Variants in ECHDC2 observed in about 807,000 individuals in gnomAD.
The protein encoded by ECHDC2 is enoyl-CoA hydratase domain containing 2.
A neutral mutation model predicts 40.6 loss-of-function variants in ECHDC2; 34 were observed. The observed-to-expected ratio is 0.84, with a 90% CI of 0.64 to 1.11. The LOEUF is 1.11. Among genes scored for constraint, ECHDC2 ranks in the 50% most tolerant of loss-of-function variants. The pLI, the probability that ECHDC2 is intolerant of heterozygous loss-of-function variation, is 0.00. For synonymous variants in ECHDC2, 162 were observed against 166.6 expected (o/e 0.97, Z 0.21); for missense variants, 392 against 400.7 (o/e 0.98, Z 0.19).
intron 1 of ECHDC2, among the ~76,000 whole-genome samples, chr1:52,918,629 T>G (rs146563731): frequency 6.6e-6 from 1 of 152,070 alleles, no homozygotes; most frequent in Admixed American, 6.6e-5. Flanking sequence ...GAAGAAAACA[T>G]TTTTTGTACA....
intron 1 of ECHDC2, chr1:52,912,174 T>C (rs1399716651): frequency 4.4e-6 from 2 of 453,370 alleles, no homozygotes; most frequent in South Asian, 7.5e-5. Context: ...TATTCATCTT[T>C]TTTTTTTTTA....
At chr1:52,910,588 C>T (rs866997443) in intron 3 of ECHDC2, among the ~76,000 whole-genome samples, 2 of 151,652 alleles carry the variant, frequency 1.3e-5, no homozygotes, top group Non-Finnish European at 2.9e-5. Context: ...AGGATGGTCT[C>T]GAACTCCTGA....
chr1:52,907,800 G>C, intron 4 of ECHDC2, 68 bp downstream of exon 4: 1 of 1,320,606 alleles, frequency 7.6e-7, no homozygotes, highest in Admixed American at 1.8e-5. Flanking sequence ...GATGCTGGTG[G>C]GGGTAGCGGG....
Position 52,906,527 on chromosome 1 carries a change from C to T in ECHDC2, c.449G>A (p.Arg150Gln), listed in dbSNP as rs76267730. The T allele has an allele frequency of 2.2e-4, 349 of 1,611,222 alleles. No homozygotes were observed. Among genetic ancestry groups the T allele is most frequent in the Non-Finnish European group, 2.5e-4 (294 of 1,179,288 alleles). Residue 150 changes from arginine to glutamine, a missense_variant, in exon 5 of 10, where the codon CGA becomes CAA. Coordinates refer to ENST00000371522, the MANE Select transcript of ECHDC2 (RefSeq NM_001198961.2). The stretch of plus-strand genomic sequence containing the variant: ...CAGTCCTGGCCCAGTACCTGCCACT[C>T]GGAGGTCACAGGCCAGGGCAAGCTC... ...GLELALACDLRVAASSAVMGL... is the reference protein window; with the variant it reads ...GLELALACDLQVAASSAVMGL...
chr1:52,917,626 GA>G, intron 1 of ECHDC2: 1 of 456,074 alleles, frequency 2.2e-6, no homozygotes, highest in Non-Finnish European at 4.4e-6. Flanking sequence ...CTAAGGAGTT[GA>G]AGGACAGCCA....
intron 1 of ECHDC2, chr1:52,913,862 G>T: frequency 9.7e-7 from 1 of 1,030,252 alleles, no homozygotes; most frequent in Non-Finnish European, 1.2e-6. Flanking sequence ...ATCTGCCTTG[G>T]CTTTGGCAGG....
chr1:52,919,885 C>G (rs1350929877), intron 1 of ECHDC2, among the ~76,000 whole-genome samples: 3 of 152,222 alleles, frequency 2.0e-5, no homozygotes, highest in Non-Finnish European at 2.9e-5. Flanking sequence ...TCTGCTGATC[C>G]TTGTCATTCT....
intron 7 of ECHDC2, among the ~76,000 whole-genome samples, chr1:52,904,122 T>C (rs1425476373): frequency 6.6e-6 from 1 of 152,176 alleles, no homozygotes; most frequent in African/African-American, 2.4e-5. Context: ...AGCCCACATG[T>C]TGTATTTCAA....
chr1:52,896,844 C>T (rs1646666999), intron 9 of ECHDC2: 1 of 488,274 alleles, frequency 2.0e-6, no homozygotes, highest in Non-Finnish European at 3.7e-6. Flanking sequence ...GCTTTCATGC[C>T]TCCTGAGAAC....
In ECHDC2 at chr1:52,896,543, T is replaced by A; in HGVS notation, c.856A>T (p.Thr286Ser). 1 of 1,613,942 alleles carries A rather than the reference T, an allele frequency of 6.2e-7. No individual in the cohort carries two copies. The highest frequency in any genetic ancestry group is 8.5e-7 in the Non-Finnish European group (1 of 1,179,990). ...GGTCATTTGCCAACAAATTTGGGAG[T>A]CCGCTTCTCCCTGAAGGCTGCCATG... ...EGMAAFREKR[T>S]PKFVGK Residue 286 changes from threonine (T) to serine (S), a missense_variant, in exon 10 of 10, where the codon ACT (threonine) becomes TCT (serine). Coordinates refer to ENST00000371522, the MANE Select transcript of ECHDC2 (RefSeq NM_001198961.2).
Position 52,896,312 on chromosome 1 carries a change from A to G in ECHDC2, c.*208T>C. The G allele has an allele frequency of 1.7e-6, 1 of 571,588 alleles. No individual in the cohort carries two copies. The highest frequency in any genetic ancestry group is 2.1e-5 in the South Asian group (1 of 47,810). 35.4% of individuals were successfully genotyped at this position (571,588 alleles called of 1,614,324 possible). On this transcript the variant is annotated 3_prime_UTR_variant, in exon 10 of 10. Transcript: ENST00000371522. ...CCAACCCTCGTGATTATTTCTAGCC[A>G]GGGTGAAGCTAAGGAAGGTAGCAGT...
At chr1:52,906,788 G>A (rs1197077064) in intron 4 of ECHDC2, among the ~76,000 whole-genome samples, 177 bp from the exon 5 acceptor site, 7 of 145,666 alleles carry the variant, frequency 4.8e-5, no homozygotes, top group African/African-American at 1.3e-4. Flanking sequence ...TTTTTGAGAC[G>A]GAGTCTTGTT....
chr1:52,906,090 T>C (rs1473420953), intron 5 of ECHDC2: 1 of 349,998 alleles, frequency 2.9e-6, no homozygotes, highest in African/African-American at 2.1e-5. Context: ...GAACAAGTAA[T>C]GCAAATTTGG....
In ECHDC2 at chr1:52,907,896, C is replaced by T. The variant is rs1207491968; in HGVS notation, c.336G>A (p.Gln112=). The T allele has an allele frequency of 1.2e-6, 2 of 1,614,034 alleles. No homozygotes were observed. Among genetic ancestry groups the T allele is most frequent in the South Asian group, 2.2e-5 (2 of 91,062 alleles). The change falls in exon 4 of 10, where the codon CAG becomes CAA. Residue 112 remains glutamine (Q), a synonymous_variant. Transcript: ENST00000371522. Reference sequence around the variant, plus strand: ...TGTCATTCATCAGGCCCCGGAGTCGCTGGACAAACACCCCCACCTCTGCTT... The same window carrying T: ...TGTCATTCATCAGGCCCCGGAGTCGTTGGACAAACACCCCCACCTCTGCTT... The part of the protein sequence containing the change: ...MSEAEVGVFV[Q]RLRGLMNDIA...
At chr1:52,913,106 ACT>A (rs1460497275) in intron 1 of ECHDC2, 1 of 151,836 alleles carries the variant, frequency 6.6e-6, no homozygotes, top group Non-Finnish European at 1.5e-5. Flanking sequence ...GCTCCCCACA[ACT>A]CTGTCTTTCC....
intron 7 of ECHDC2, among the ~76,000 whole-genome samples, chr1:52,903,178 C>T (rs1164016959): frequency 6.6e-6 from 1 of 152,090 alleles, no homozygotes; most frequent in Non-Finnish European, 1.5e-5. Context: ...AGGGTTGTAC[C>T]TGGGCAGGGC....
chr1:52,904,412 A>T (rs1438884130), intron 7 of ECHDC2, among the ~76,000 whole-genome samples: 1 of 151,074 alleles, frequency 6.6e-6, no homozygotes, highest in Non-Finnish European at 1.5e-5. Context: ...GGACAGTGTT[A>T]CATTCAGAGG....
chr1:52,915,569 G>C (rs1186710785), intron 1 of ECHDC2, among the ~76,000 whole-genome samples: 1 of 152,168 alleles, frequency 6.6e-6, no homozygotes, highest in Non-Finnish European at 1.5e-5. Flanking sequence ...AGTGCTCCAG[G>C]AGAGAAAATG....
Position 52,905,062 on chromosome 1 carries a change from CTCAA to C in ECHDC2, c.482_485del (p.Ile161ArgfsTer35). On this transcript the variant is annotated frameshift_variant, in exon 6 of 10. Coordinates refer to ENST00000371522, the MANE Select transcript of ECHDC2 (RefSeq NM_001198961.2). LOFTEE classifies it high-confidence loss of function. ...CCCCCGGGAGGAGCCCTCGCGTGGT[CTCAA>C]TCAGTCCCATGACTGCCGAGGAAGC... 6.2e-7 allele frequency: 1 copy of C among 1,614,158 alleles called. No homozygotes were observed. Among genetic ancestry groups the C allele is most frequent in the Non-Finnish European group, 8.5e-7 (1 of 1,180,026 alleles).
Sources: gnomAD v4.1 joint callset for allele counts (sites outside exome capture counted in the v4.1 genomes callset) on GRCh38, gnomAD v4.1.1 for gene constraint, MANE v1.5 for transcripts, NCBI Gene and HGNC (gene_info 2026-07-23, HGNC 2026-07-21) for gene names.